ADAM22: variants seen among roughly 807,000 people sequenced by gnomAD.
ADAM22 encodes ADAM metallopeptidase domain 22.
In ADAM22, 65 loss-of-function variants were observed where a neutral mutation model predicts 144.6. The ratio of observed to expected loss-of-function variants is 0.45; its 90% CI spans 0.37 to 0.55. ADAM22 has a LOEUF of 0.55. ADAM22 is among the 20% of genes least tolerant of loss of function. The probability of loss-of-function intolerance (pLI) is 0.00; values close to 1 mark genes in which losing one functional copy is unlikely to be tolerated. For missense variants in ADAM22, 974 were observed against 1,184.9 expected (o/e 0.82, Z 2.61); for synonymous variants, 391 against 412.6 (o/e 0.95, Z 0.63).
chr7:88,054,409 A>G (rs552749833), intron 3 of ADAM22, among the ~76,000 whole-genome samples: 1 of 151,996 alleles, frequency 6.6e-6, no homozygotes, highest in Non-Finnish European at 1.5e-5. Flanking sequence ...TGTTGTTATT[A>G]TATTATTAGA....
chr7:88,038,100 C>G (rs1158986301), intron 3 of ADAM22, among the ~76,000 whole-genome samples: 1 of 152,186 alleles, frequency 6.6e-6, no homozygotes, highest in Non-Finnish European at 1.5e-5. Context: ...TTGTGTGTCT[C>G]TAGGACCTAG....
chr7:87,944,952 TTTA>T (rs1843316114), intron 2 of ADAM22, among the ~76,000 whole-genome samples: 1 of 150,090 alleles, frequency 6.7e-6, no homozygotes, highest in Non-Finnish European at 1.5e-5. Flanking sequence ...TCTTTTTCTT[TTTA>T]TTATTTCTTC....
chr7:88,172,235 T>C (rs1039767452), intron 26 of ADAM22, among the ~76,000 whole-genome samples: 1 of 151,966 alleles, frequency 6.6e-6, no homozygotes, highest in Non-Finnish European at 1.5e-5. Context: ...TACAAAATGT[T>C]CATGTTGTTC....
At chr7:88,014,006 C>T (rs1011966302) in intron 3 of ADAM22, among the ~76,000 whole-genome samples, 2 of 152,194 alleles carry the variant, frequency 1.3e-5, no homozygotes, top group African/African-American at 2.4e-5. Context: ...CTACTACCCT[C>T]TCCTTCTAAG....
intron 4 of ADAM22, among the ~76,000 whole-genome samples, chr7:88,104,677 TA>T (rs1823875829): frequency 1.3e-5 from 2 of 152,174 alleles, no homozygotes; most frequent in Admixed American, 1.3e-4. Context: ...ATTATTGACT[TA>T]TGATTAATAG....
chr7:88,026,792 G>A (rs970196353), intron 3 of ADAM22, among the ~76,000 whole-genome samples: 10 of 152,148 alleles, frequency 6.6e-5, no homozygotes, highest in African/African-American at 2.2e-4. Context: ...GGCATCCATT[G>A]TGTTGTGTTC....
At chr7:88,179,485 T>C (rs2129537372) in intron 27 of ADAM22, among the ~76,000 whole-genome samples, 1 of 152,204 alleles carries the variant, frequency 6.6e-6, no homozygotes, top group East Asian at 1.9e-4. Flanking sequence ...ATTTTATATA[T>C]ATCAAAGCTA....
intron 4 of ADAM22, among the ~76,000 whole-genome samples, chr7:88,093,100 ATT>A: frequency 1.3e-5 from 2 of 152,296 alleles, no homozygotes; most frequent in African/African-American, 4.8e-5. Flanking sequence ...TATGGAACTA[ATT>A]AGCTATTTTA....
intron 3 of ADAM22, among the ~76,000 whole-genome samples, chr7:88,009,051 C>T (rs1477366573): frequency 6.6e-6 from 1 of 151,640 alleles, no homozygotes; most frequent in Non-Finnish European, 1.5e-5. Context: ...AGCTTTTCAC[C>T]CTGTTATTAG....
chr7:88,016,227 T>C (rs1796511332), intron 3 of ADAM22, among the ~76,000 whole-genome samples: 1 of 152,176 alleles, frequency 6.6e-6, no homozygotes, highest in African/African-American at 2.4e-5. Flanking sequence ...GCTTCTTGAT[T>C]TTTTTCTAGG....
chr7:87,936,595 G>A (rs967737696), intron 2 of ADAM22, among the ~76,000 whole-genome samples: 17 of 152,070 alleles, frequency 1.1e-4, no homozygotes, highest in East Asian at 3.9e-4. Flanking sequence ...TATACCCTAC[G>A]TATTTCTTTT....
intron 2 of ADAM22, among the ~76,000 whole-genome samples, chr7:87,969,648 A>T (rs1322612396): frequency 3.9e-5 from 6 of 152,228 alleles, no homozygotes; most frequent in African/African-American, 2.4e-5. Flanking sequence ...CAGAAACATG[A>T]AACAACCTGC....
intron 4 of ADAM22, among the ~76,000 whole-genome samples, chr7:88,103,602 C>G (rs938516385): frequency 2.0e-5 from 3 of 151,908 alleles, no homozygotes; most frequent in African/African-American, 7.2e-5. Context: ...AAGAAAGTTT[C>G]AAGGACAATG....
chr7:88,142,736 G>T (rs1835111993), intron 14 of ADAM22, among the ~76,000 whole-genome samples: 1 of 151,958 alleles, frequency 6.6e-6, no homozygotes, highest in Admixed American at 6.6e-5. Flanking sequence ...TACTCGGGAG[G>T]CTGAGGCAGG....
intron 8 of ADAM22, among the ~76,000 whole-genome samples, chr7:88,127,913 C>T (rs140391550): frequency 3.8e-4 from 58 of 152,092 alleles, no homozygotes; most frequent in African/African-American, 1.3e-3. Flanking sequence ...CTGTAACTTT[C>T]ATTGGTCATT....
chr7:87,967,400 A>AT (rs1353850671), intron 2 of ADAM22, among the ~76,000 whole-genome samples: 33 of 152,158 alleles, frequency 2.2e-4, no homozygotes. Context: ...AAGTAGAAAG[A>AT]TTGCTTGAGC....
intron 3 of ADAM22, among the ~76,000 whole-genome samples, chr7:88,015,136 A>G (rs1180279072): frequency 6.6e-6 from 1 of 152,216 alleles, no homozygotes; most frequent in Non-Finnish European, 1.5e-5. Context: ...GATACTAAAT[A>G]ATACCTTTGT....
chr7:87,966,918 C>G (rs1236011957), intron 2 of ADAM22, among the ~76,000 whole-genome samples: 1 of 151,516 alleles, frequency 6.6e-6, no homozygotes, highest in African/African-American at 2.4e-5. Context: ...AATTGTAGTT[C>G]CCGTAATCCC....
At chr7:88,189,192 C>G (rs1247504563) in intron 30 of ADAM22, among the ~76,000 whole-genome samples, 1 of 152,096 alleles carries the variant, frequency 6.6e-6, no homozygotes, top group Admixed American at 6.5e-5. Context: ...GAATTCAGGC[C>G]ACCAGGAAGG....
Sources: allele counts gnomAD v4.1 joint callset (sites outside exome capture counted in the v4.1 genomes callset), GRCh38; gene constraint gnomAD v4.1.1; transcripts MANE v1.5; gene names NCBI Gene and HGNC (gene_info 2026-07-23, HGNC 2026-07-21).